The following SAP130 variants were observed in gnomAD, a reference collection of about 807,000 sequenced individuals.
The protein encoded by SAP130 is histone deacetylase complex subunit SAP130.
Under a neutral mutation model 103.2 loss-of-function variants are expected in SAP130, and 16 were observed. The observed-to-expected ratio is 0.16, with a 90% confidence interval of 0.10 to 0.24. SAP130 has a LOEUF of 0.24. SAP130 is among the 10% of genes least tolerant of loss of function. The pLI is 1.00. For synonymous variants in SAP130, 477 were observed against 497.0 expected, an observed-to-expected ratio of 0.96 and a Z score of 0.53; for missense variants, 990 against 1,359.7, an observed-to-expected ratio of 0.73 and a Z score of 4.28.
chr2:127,948,086 G>A (rs1679235002), intron 18 of SAP130, among the ~76,000 whole-genome samples: 1 of 151,990 alleles, frequency 6.6e-6, no homozygotes, highest in African/African-American at 2.4e-5. Flanking sequence ...CACCACACCT[G>A]GCTTGTATGT....
rs79507912 is a variant in SAP130, at chr2:127,976,291, C to G, written c.2063+1694G>C. Among the ~76,000 whole-genome samples, 36 of 152,324 alleles carry G rather than the reference C, an allele frequency of 2.4e-4. No individual in the cohort carries two copies. In the East Asian group the frequency reaches 5.0e-3, roughly 21 times the overall value. On this transcript the variant is annotated intron_variant, in intron 15 of 20. Coordinates refer to ENST00000643581, the MANE Select transcript of SAP130 (RefSeq NM_001330301.2). ...TTCCTTCATACTCTTCTCAGAGAAG[C>G]CTTTTTCTGTAAATCATCACCTCTT...
At position 127,945,835 on chromosome 2, in the gene SAP130, T is replaced by C. The variant is rs375315150; in HGVS notation, c.2798-276A>G. 5.9e-5 allele frequency among the ~76,000 whole-genome samples: 9 copies of C among 152,236 alleles called. No individual in the cohort carries two copies. The East Asian group carries it at 1.4e-3, about 23-fold the overall frequency. On this transcript the variant is annotated intron_variant, in intron 18 of 20. Transcript: ENST00000643581. ...GCTGGGCTCACTTTTGTATTTTTTG[T>C]AGAGATGAGGTCTTGCTATGTTGCC... is the stretch of plus-strand genomic sequence containing the variant.
intron 14 of SAP130, among the ~76,000 whole-genome samples, chr2:127,983,224 G>A (rs960684238): frequency 2.0e-5 from 3 of 152,124 alleles, no homozygotes; most frequent in African/African-American, 7.2e-5. Context: ...TGGTACTACT[G>A]AGCAACTGAA....
intron 1 of SAP130, chr2:128,027,055 G>T: frequency 1.1e-5 from 15 of 1,396,920 alleles, no homozygotes; most frequent in Admixed American, 2.5e-5. Context: ...GGGCGATCTG[G>T]GGACCCGACC....
chr2:127,967,645 C>T (rs1028003350), intron 15 of SAP130, among the ~76,000 whole-genome samples: 3 of 152,208 alleles, frequency 2.0e-5, no homozygotes, highest in African/African-American at 7.2e-5. Context: ...ATCCACCTGC[C>T]TTGGCCTCCC....
In SAP130 at chr2:128,020,368, A is replaced by G. The variant is rs1249653523; in HGVS notation, c.113-2453T>C. Among the ~76,000 whole-genome samples, 4 of 152,212 alleles carry G rather than the reference A, an allele frequency of 2.6e-5. No individual in the cohort carries two copies. In the East Asian group the frequency reaches 7.7e-4, roughly 29 times the overall value. On this transcript the variant is annotated intron_variant, in intron 2 of 20. Coordinates refer to ENST00000643581, the MANE Select transcript of SAP130 (RefSeq NM_001330301.2). ...AATCTTCTACCTTGTAACACTATAGATTAGTATTGTCTGTTTTTTAACTTT... is the reference window on the plus strand; with the variant it reads ...AATCTTCTACCTTGTAACACTATAGGTTAGTATTGTCTGTTTTTTAACTTT...
chr2:127,950,103 G>A, intron 17 of SAP130, 57 bp downstream of exon 17: 1 of 1,610,860 alleles, frequency 6.2e-7, no homozygotes, highest in Non-Finnish European at 8.5e-7. Flanking sequence ...GAGCCTCTGG[G>A]TTGGACTCTG....
At chr2:128,019,452 G>A (rs1172119676) in intron 2 of SAP130, among the ~76,000 whole-genome samples, 1 of 152,134 alleles carries the variant, frequency 6.6e-6, no homozygotes, top group African/African-American at 2.4e-5. Flanking sequence ...ATTTTTTTAT[G>A]AAGAAAGAGT....
In SAP130 at chr2:127,993,180, C is replaced by A; in HGVS notation, c.1477+7G>T. 1 of 1,613,764 alleles carries A rather than the reference C, an allele frequency of 6.2e-7. No homozygotes were observed. Among genetic ancestry groups the A allele is most frequent in the East Asian group, 2.2e-5 (1 of 44,864 alleles). ...GTGAAAAGTCATCTAAAAAGCAGGG[C>A]TCATACCTGGATACTGTCGGATAGT... On this transcript the variant is annotated splice_region_variant and intron_variant, in intron 12 of 20. Coordinates refer to ENST00000643581, the MANE Select transcript of SAP130 (RefSeq NM_001330301.2).
rs1325084749 is a variant in SAP130, at chr2:127,950,353, G to A, written c.2478C>T (p.Asn826=). The A allele has an allele frequency of 3.5e-5, 57 of 1,614,082 alleles. No individual in the cohort carries two copies. Among genetic ancestry groups the A allele is most frequent in the Non-Finnish European group, 4.7e-5 (56 of 1,180,028 alleles). ...GGTCACTTGTAGGCATGGACAAGTT[G>A]TTTGCCAGCAATGCAAGAGATGGAG... ...TVSPSLALLA[N]NLSMPTSDLP... The change falls in exon 17 of 21, where the codon AAC becomes AAT. Residue 826 remains asparagine, a synonymous_variant. Transcript: ENST00000643581.
chr2:128,010,466 T>G (rs1054866091), intron 6 of SAP130, 73 bp from the exon 7 acceptor site: 1 of 1,414,626 alleles, frequency 7.1e-7, no homozygotes, highest in East Asian at 2.5e-5. Flanking sequence ...AATGTGTAAT[T>G]TGAAACTTGA....
chr2:127,978,989 C>T (rs1254349276), intron 14 of SAP130, among the ~76,000 whole-genome samples: 4 of 152,158 alleles, frequency 2.6e-5, no homozygotes, highest in Admixed American at 6.5e-5. Flanking sequence ...TCTTTAGTAA[C>T]TGTGAATGTG....
intron 16 of SAP130, among the ~76,000 whole-genome samples, chr2:127,954,274 G>A (rs1449272609): frequency 2.0e-5 from 3 of 152,040 alleles, no homozygotes; most frequent in Non-Finnish European, 2.9e-5. Flanking sequence ...CACCTCTATC[G>A]GGCAAACAGC....
chr2:128,000,545 T>C, intron 7 of SAP130, 91 bp from the exon 8 acceptor site: 1 of 1,428,376 alleles, frequency 7.0e-7, no homozygotes, highest in Admixed American at 2.0e-5. Context: ...TTTTCATAGG[T>C]CTATGAAGTT....
chr2:127,980,712 A>G (rs1272528221), intron 14 of SAP130, among the ~76,000 whole-genome samples: 1 of 152,124 alleles, frequency 6.6e-6, no homozygotes, highest in Non-Finnish European at 1.5e-5. Context: ...GGGAGGCTGA[A>G]CCAGGTGGAA....
At chr2:128,005,855 C>T (rs935515466) in intron 7 of SAP130, among the ~76,000 whole-genome samples, 6 of 152,020 alleles carry the variant, frequency 3.9e-5, no homozygotes, top group South Asian at 2.1e-4. Context: ...GTCTCAAACT[C>T]CTGACCTCAA....
intron 15 of SAP130, among the ~76,000 whole-genome samples, chr2:127,969,621 C>G (rs1249322332): frequency 6.6e-6 from 1 of 152,336 alleles, no homozygotes; most frequent in South Asian, 2.1e-4. Flanking sequence ...AGTCTGAGAT[C>G]AAAGAGTTGG....
intron 8 of SAP130, 41 bp from the exon 9 acceptor site, chr2:128,000,187 C>T: frequency 6.2e-7 from 1 of 1,609,418 alleles, no homozygotes; most frequent in Non-Finnish European, 8.5e-7. Context: ...AGAACATTAT[C>T]CACTGCGTCC....
chr2:127,975,302 T>C (rs555257732), intron 15 of SAP130, among the ~76,000 whole-genome samples: 1 of 152,206 alleles, frequency 6.6e-6, no homozygotes, highest in South Asian at 2.1e-4. Context: ...TCAACCAAGA[T>C]GAAAATGCAA....
Sources: allele counts gnomAD v4.1 joint callset (sites outside exome capture counted in the v4.1 genomes callset), GRCh38; gene constraint gnomAD v4.1.1; transcripts MANE v1.5; gene names NCBI Gene and HGNC (gene_info 2026-07-23, HGNC 2026-07-21).